Variants in ZNF8 observed in about 807,000 individuals in gnomAD.
The protein encoded by ZNF8 is zinc finger protein 8.
A neutral mutation model predicts 12.2 loss-of-function variants in ZNF8; 9 were observed. That is an observed-to-expected ratio of 0.73 (90% CI 0.44 to 1.28). The LOEUF is 1.28. ZNF8 is among the 50% of genes most tolerant of loss of function. The probability of loss-of-function intolerance (pLI) is 0.00; values close to 1 mark genes in which losing one functional copy is unlikely to be tolerated. For missense variants in ZNF8, 664 were observed against 729.1 expected, an observed-to-expected ratio of 0.91 and a Z score of 1.03; for synonymous variants, 274 against 282.3, an observed-to-expected ratio of 0.97 and a Z score of 0.30.
chr19:58,288,974 G>C (rs1467535045), intron 3 of ZNF8, among the ~76,000 whole-genome samples: 2 of 152,090 alleles, frequency 1.3e-5, no homozygotes, highest in Non-Finnish European at 2.9e-5. Context: ...TCTAAAACGT[G>C]TGCCCATAAA....
Position 58,286,185 on chromosome 19 carries a change from C to T in ZNF8, c.269C>T (p.Thr90Ile). 5.6e-6 allele frequency: 9 copies of T among 1,609,096 alleles called. No homozygotes were observed. Among genetic ancestry groups the T allele is most frequent in the Non-Finnish European group, 7.6e-6 (9 of 1,178,704 alleles). The change falls in exon 3 of 4, where the codon ACC becomes ATC. Residue 90 changes from threonine to isoleucine, a missense_variant. Thr to Ile is a moderately conservative substitution (Grantham distance 89). This residue lies in a region of ZNF8 where 306 missense variants were observed against 308.7 expected (regional missense o/e 0.99). Coordinates refer to ENST00000621650, the MANE Select transcript of ZNF8 (RefSeq NM_021089.3). The stretch of plus-strand genomic sequence containing the variant: ...GAGCTATGGGTGGCTGAGAGAGGAA[C>T]CACCCAGGGCTGCCATCCAGGTGAG... The part of the protein sequence containing the change: ...GTELWVAERG[T>I]TQGCHPAWEP...
chr19:58,289,389 A>C (rs1287710496), intron 3 of ZNF8, among the ~76,000 whole-genome samples: 1 of 151,716 alleles, frequency 6.6e-6, no homozygotes, highest in Non-Finnish European at 1.5e-5. Flanking sequence ...CCAGCTACTC[A>C]GGAGGCTGAG....
chr19:58,281,399 G>A (rs1455889778), intron 1 of ZNF8, among the ~76,000 whole-genome samples: 1 of 152,318 alleles, frequency 6.6e-6, no homozygotes. Flanking sequence ...GAAGGCTGCA[G>A]GGATCTGATG....
chr19:58,279,255 C>G, intron 1 of ZNF8, 108 bp downstream of exon 1: 1 of 1,527,192 alleles, frequency 6.5e-7, no homozygotes, highest in South Asian at 1.2e-5. Context: ...CTGTTAATGC[C>G]CTTGACACGT....
chr19:58,279,872 A>G (rs1243119198), intron 1 of ZNF8: 24 of 1,231,868 alleles, frequency 1.9e-5, no homozygotes, highest in Non-Finnish European at 2.5e-5. Flanking sequence ...GCAACTTTGA[A>G]ATTATACTTT....
intron 1 of ZNF8, among the ~76,000 whole-genome samples, chr19:58,282,883 C>A (rs1352836205): frequency 6.6e-6 from 1 of 152,208 alleles, no homozygotes; most frequent in African/African-American, 2.4e-5. Flanking sequence ...TCGTCTCAGC[C>A]TCCCAAAGTG....
At chr19:58,285,584 C>G in intron 1 of ZNF8, 133 bp from the exon 2 acceptor site, 1 of 1,311,676 alleles carries the variant, frequency 7.6e-7, no homozygotes, top group Non-Finnish European at 1.1e-6. Context: ...CCAGTGAGAC[C>G]TGACTCCCAT....
chr19:58,279,107 C>A lies in ZNF8; in HGVS notation c.26C>A (p.Ala9Glu). The change falls in exon 1 of 4, where the codon GCG becomes GAG. Residue 9 changes from alanine (A) to glutamate (E), a missense_variant. Around this residue, in one of 3 missense-constraint regions of ZNF8, gnomAD observed 306 missense variants for 308.7 expected, o/e 0.99. Transcript: ENST00000621650. The stretch of plus-strand genomic sequence containing the variant: ...ATGGACCCCGAGGACGAAGGGGTAG[C>A]GGGAGTGATGTCTGTGGGGCCGCCG... MDPEDEGV[A>E]GVMSVGPPAA... 1 of 1,521,750 alleles carries A rather than the reference C, an allele frequency of 6.6e-7. No homozygotes were observed. The highest frequency in any genetic ancestry group is 8.9e-7 in the Non-Finnish European group (1 of 1,128,468). 94.3% of individuals were successfully genotyped at this position (1,521,750 alleles called of 1,614,324 possible). A position where few individuals can be genotyped will look rare whatever the true frequency, so the allele number is the denominator to read the frequency against.
At chr19:58,279,910 A>G (rs1390548287) in intron 1 of ZNF8, 7 of 1,187,416 alleles carry the variant, frequency 5.9e-6, no homozygotes, top group African/African-American at 3.2e-5. Flanking sequence ...TGGTTTGTTC[A>G]TGGGGATTTG....
chr19:58,299,771 A>C lies in ZNF8; in HGVS notation c.*4235A>C, dbSNP rs1233719400. 6.6e-6 allele frequency: 1 copy of C among 151,840 alleles called. No homozygotes were observed. Among genetic ancestry groups the C allele is most frequent in the Non-Finnish European group, 1.5e-5 (1 of 67,964 alleles). The allele number at this position is 151,840 out of a possible 1,614,324, so 9.4% of individuals were successfully genotyped here. ...GTGACAGAGCTAGACTCCATCTCGA[A>C]AAAAATAAAAGAACTTCCCGTGTCC... On this transcript the variant is annotated 3_prime_UTR_variant, in exon 4 of 4. Transcript: ENST00000621650.
Position 58,302,787 on chromosome 19 carries a change from A to G in ZNF8, c.*7251A>G, listed in dbSNP as rs1044224131. 6.6e-6 allele frequency: 1 copy of G among 152,208 alleles called. No individual in the cohort carries two copies. The highest frequency in any genetic ancestry group is 2.4e-5 in the African/African-American group (1 of 41,448). The allele number at this position is 152,208 out of a possible 1,614,324, so 9.4% of individuals were successfully genotyped here. A position where few individuals can be genotyped will look rare whatever the true frequency, so the allele number is the denominator to read the frequency against. ...AACTTGCTGGGAATAAATCCTACACATATATTTGTATGTGTGCAGACTGTT... is the reference window on the plus strand; with the variant it reads ...AACTTGCTGGGAATAAATCCTACACGTATATTTGTATGTGTGCAGACTGTT... On this transcript the variant is annotated 3_prime_UTR_variant, in exon 4 of 4. Transcript: ENST00000621650.
chr19:58,286,365 A>G, intron 3 of ZNF8, 160 bp downstream of exon 3: 1 of 594,900 alleles, frequency 1.7e-6, no homozygotes, highest in Admixed American at 3.0e-5. Context: ...CTCTCAGTAT[A>G]ATGAGACCAA....
In ZNF8 at chr19:58,302,709, C is replaced by A. The variant is rs1342629602; in HGVS notation, c.*7173C>A. On this transcript the variant is annotated 3_prime_UTR_variant, in exon 4 of 4. Transcript: ENST00000621650. ...GAATTGATACAACTTCTGTGGAGGG[C>A]AGTTTATCAGCCACTATCTAAATTA... 2 of 152,188 alleles carry A rather than the reference C, an allele frequency of 1.3e-5. No individual in the cohort carries two copies. Among genetic ancestry groups the A allele is most frequent in the Non-Finnish European group, 2.9e-5 (2 of 68,040 alleles). The allele number at this position is 152,188 out of a possible 1,614,324, so 9.4% of individuals were successfully genotyped here. A position where few individuals can be genotyped will look rare whatever the true frequency, so the allele number is the denominator to read the frequency against.
chr19:58,295,184 G>A lies in ZNF8; in HGVS notation c.1376G>A (p.Arg459Lys), dbSNP rs747787513. ...GCDPPLSQDE[R>K]THRSDRPFKC... ...GACCCACCTTTGAGTCAAGATGAGA[G>A]GACTCACCGAAGCGACAGACCCTTC... Residue 459 changes from arginine to lysine, a missense_variant, in exon 4 of 4, where the codon AGG becomes AAG. This residue lies in a region of ZNF8 where 225 missense variants were observed against 222.0 expected (regional missense o/e 1.01). Coordinates refer to ENST00000621650, the MANE Select transcript of ZNF8 (RefSeq NM_021089.3). 7 of 1,613,990 alleles carry A rather than the reference G, an allele frequency of 4.3e-6. No homozygotes were observed. In the Admixed American group the frequency reaches 8.3e-5, roughly 19 times the overall value.
chr19:58,289,351 C>T (rs2051403148), intron 3 of ZNF8, among the ~76,000 whole-genome samples: 1 of 151,986 alleles, frequency 6.6e-6, no homozygotes, highest in African/African-American at 2.4e-5. Context: ...CAAAAATTAT[C>T]CAGGTGTGGT....
At position 58,278,974 on chromosome 19, in the gene ZNF8, T is replaced by G; in HGVS notation, c.-108T>G. The G allele has an allele frequency of 7.7e-7, 1 of 1,291,024 alleles. No homozygotes were observed. The highest frequency in any genetic ancestry group is 1.0e-6 in the Non-Finnish European group (1 of 995,428). 80.0% of individuals were successfully genotyped at this position (1,291,024 alleles called of 1,614,324 possible). A position where few individuals can be genotyped will look rare whatever the true frequency, so the allele number is the denominator to read the frequency against. On this transcript the variant is annotated 5_prime_UTR_variant, in exon 1 of 4. Coordinates refer to ENST00000621650, the MANE Select transcript of ZNF8 (RefSeq NM_021089.3). Reference sequence around the variant, plus strand: ...GGAGTTGTAGTCGCCGCGTCGCCGGTGCGGCCGCCATTGTCCGGCGTTCGG... The same window carrying G: ...GGAGTTGTAGTCGCCGCGTCGCCGGGGCGGCCGCCATTGTCCGGCGTTCGG...
chr19:58,281,048 T>G (rs185335400), intron 1 of ZNF8, among the ~76,000 whole-genome samples: 3 of 152,316 alleles, frequency 2.0e-5, no homozygotes, highest in African/African-American at 7.2e-5. Context: ...ATAGTAATAT[T>G]CACAGGTTCT....
In ZNF8 at chr19:58,294,626, C is replaced by G; in HGVS notation, c.818C>G (p.Thr273Ser). Reference sequence around the variant, plus strand: ...TCGTTTAACCATAACGCACACCTCACCGTGCACAAGAGGATTCATACGGGA... The same window carrying G: ...TCGTTTAACCATAACGCACACCTCAGCGTGCACAAGAGGATTCATACGGGA... ...GKSFNHNAHL[T>S]VHKRIHTGER... The change falls in exon 4 of 4, where the codon ACC becomes AGC. Residue 273 changes from threonine (T) to serine (S), a missense_variant. Coordinates refer to ENST00000621650, the MANE Select transcript of ZNF8 (RefSeq NM_021089.3). This position sits in a 1 kb window ranked among gnomAD's most constrained non-coding sequence, Gnocchi z 5.5. The G allele has an allele frequency of 6.2e-7, 1 of 1,614,156 alleles. No homozygotes were observed. Among genetic ancestry groups the G allele is most frequent in the Non-Finnish European group, 8.5e-7 (1 of 1,180,038 alleles).
At position 58,295,310 on chromosome 19, in the gene ZNF8, G is replaced by A. The variant is rs181059941; in HGVS notation, c.1502G>A (p.Arg501Gln). 1.1e-5 allele frequency: 17 copies of A among 1,614,188 alleles called. No individual in the cohort carries two copies. The highest frequency in any genetic ancestry group is 6.7e-5 in the East Asian group (3 of 44,882). ...GAGCAGCCCCATGGGCGAAGCCGGC[G>A]GCGTGAACAATCCTCGAGCAGGAAC... ...REEQPHGRSR[R>Q]REQSSSRNSH... is the part of the protein sequence containing the mutation. Residue 501 changes from arginine (R) to glutamine (Q), a missense_variant, in exon 4 of 4, where the codon CGG (arginine) becomes CAG (glutamine). Arg to Gln is a conservative substitution (Grantham distance 43). Coordinates refer to ENST00000621650, the MANE Select transcript of ZNF8 (RefSeq NM_021089.3).
Sources: gnomAD v4.1 joint callset for allele counts (sites outside exome capture counted in the v4.1 genomes callset) on GRCh38, gnomAD v4.1.1 for gene constraint, gnomAD v4.1.1 regional missense constraint, Gnocchi (gnomAD v3.1) non-coding constraint, MANE v1.5 for transcripts, NCBI Gene and HGNC (gene_info 2026-07-23, HGNC 2026-07-21) for gene names.